The following CDC42BPA variants were observed in gnomAD, a reference collection of about 807,000 sequenced individuals.
CDC42BPA encodes the protein serine/threonine-protein kinase MRCK alpha.
CDC42BPA carries 80 observed loss-of-function variants against 223.5 expected under a neutral mutation model. The observed-to-expected ratio is 0.36, with a 90% confidence interval of 0.30 to 0.43. The LOEUF is 0.43. CDC42BPA is among the 20% of genes least tolerant of loss of function. The probability of loss-of-function intolerance (pLI) is 1.00; values close to 1 mark genes in which losing one functional copy is unlikely to be tolerated. For missense variants in CDC42BPA, 1,743 were observed against 2,099.9 expected, an observed-to-expected ratio of 0.83 and a Z score of 3.32; for synonymous variants, 694 against 718.6, an observed-to-expected ratio of 0.97 and a Z score of 0.55.
At chr1:227,098,124 T>C (rs1257190141) in intron 15 of CDC42BPA, among the ~76,000 whole-genome samples, 2 of 152,076 alleles carry the variant, frequency 1.3e-5, no homozygotes, top group Non-Finnish European at 2.9e-5. Flanking sequence ...CAAACACATA[T>C]GGATTCGGCG....
chr1:227,240,708 T>A (rs1679868964), intron 2 of CDC42BPA, among the ~76,000 whole-genome samples: 2 of 150,770 alleles, frequency 1.3e-5, no homozygotes, highest in East Asian at 3.9e-4. Context: ...AAAAAATGAA[T>A]CTCAATGCCG....
At chr1:227,155,904 C>G (rs1662662540) in intron 6 of CDC42BPA, among the ~76,000 whole-genome samples, 1 of 152,044 alleles carries the variant, frequency 6.6e-6, no homozygotes, top group Non-Finnish European at 1.5e-5. Flanking sequence ...GAATCCTCAT[C>G]TACCATGGTA....
At chr1:227,294,373 T>C (rs938275855) in intron 1 of CDC42BPA, among the ~76,000 whole-genome samples, 2 of 152,022 alleles carry the variant, frequency 1.3e-5, no homozygotes, top group African/African-American at 2.4e-5. Context: ...TACAATAATA[T>C]AGAAGAAGAG....
intron 14 of CDC42BPA, among the ~76,000 whole-genome samples, chr1:227,105,354 CTCTTTTT>C (rs1426579561): frequency 3.5e-5 from 4 of 113,622 alleles, no homozygotes; most frequent in Admixed American, 1.2e-4. Context: ...TTTGCCTATT[CTCTTTTT>C]TTTTTTTTTT....
intron 19 of CDC42BPA, among the ~76,000 whole-genome samples, chr1:227,072,689 AC>A (rs1260305415): frequency 6.6e-6 from 1 of 152,042 alleles, no homozygotes; most frequent in Non-Finnish European, 1.5e-5. Flanking sequence ...ATTCTGTTAG[AC>A]TTTGTTAGAT....
intron 6 of CDC42BPA, among the ~76,000 whole-genome samples, chr1:227,151,676 G>A (rs1160292725): frequency 6.6e-6 from 1 of 151,986 alleles, no homozygotes; most frequent in Non-Finnish European, 1.5e-5. Context: ...AGTGTGAGAT[G>A]GTGTATCCCT....
At chr1:227,199,802 C>A in intron 3 of CDC42BPA, 150 bp from the exon 4 acceptor site, 1 of 446,766 alleles carries the variant, frequency 2.2e-6, no homozygotes. Context: ...TTTCAAACCA[C>A]CCTCAGAAAC....
chr1:227,215,319 G>T (rs1032893067), intron 2 of CDC42BPA, among the ~76,000 whole-genome samples: 3 of 151,992 alleles, frequency 2.0e-5, no homozygotes, highest in African/African-American at 7.3e-5. Context: ...AGACTACTTG[G>T]GTTTGAATCC....
chr1:227,236,219 G>A (rs940735588), intron 2 of CDC42BPA, among the ~76,000 whole-genome samples: 5 of 152,188 alleles, frequency 3.3e-5, no homozygotes, highest in African/African-American at 1.2e-4. Flanking sequence ...ATATAGATTT[G>A]ACTGAATGAC....
chr1:227,114,156 G>A (rs999022065), intron 12 of CDC42BPA, among the ~76,000 whole-genome samples: 6 of 151,794 alleles, frequency 4.0e-5, no homozygotes, highest in Admixed American at 6.6e-5. Context: ...AAAAAATGAC[G>A]CTGGGTAATA....
At chr1:227,136,939 C>T (rs1294189520) in intron 10 of CDC42BPA, among the ~76,000 whole-genome samples, 7 of 151,926 alleles carry the variant, frequency 4.6e-5, no homozygotes, top group African/African-American at 1.7e-4. Flanking sequence ...CAGATAGAAA[C>T]ATGGATCACT....
At chr1:227,147,699 A>T in intron 6 of CDC42BPA, 140 bp from the exon 7 acceptor site, 1 of 516,126 alleles carries the variant, frequency 1.9e-6, no homozygotes, top group Non-Finnish European at 3.3e-6. Context: ...ATCCTTGTAT[A>T]TATGTTAAAT....
At chr1:227,110,097 C>T (rs890363786) in intron 14 of CDC42BPA, among the ~76,000 whole-genome samples, 8 of 152,082 alleles carry the variant, frequency 5.3e-5, no homozygotes, top group Non-Finnish European at 1.0e-4. Context: ...GACTCTGTAT[C>T]TGTTAGGTCT....
Position 227,210,269 on chromosome 1 carries a change from G to A in CDC42BPA, c.354+2867C>T, listed in dbSNP as rs182140431. ...GGATGACTGGGTCAAATGGTATTTC[G>A]AGGACTATTTATCTTAAACTTTCTT... On this transcript the variant is annotated intron_variant, in intron 3 of 36. Coordinates refer to ENST00000366766, the MANE Select transcript of CDC42BPA (RefSeq NM_001394014.1). 5.1e-4 allele frequency among the ~76,000 whole-genome samples: 77 copies of A among 152,212 alleles called. 3 individuals carry two copies. In the South Asian group the frequency reaches 1.0e-2, roughly 20 times the overall value.
chr1:227,060,030 G>T (rs200194970), intron 21 of CDC42BPA, among the ~76,000 whole-genome samples: 7,447 of 117,522 alleles, frequency 0.063, 598 homozygotes, highest in African/African-American at 0.2. Flanking sequence ...GTTTTTTTTT[G>T]TTTTTTTTTT....
rs377133849 is a variant in CDC42BPA at position 227,296,809 on chromosome 1, GA to G, written c.178+20195del. 3.0e-3 allele frequency among the ~76,000 whole-genome samples: 370 copies of G among 124,186 alleles called. 3 individuals carry two copies. Among genetic ancestry groups the G allele is most frequent in the Middle Eastern group, 0.017 (4 of 236 alleles). The allele number at this position is 124,186 out of a possible 152,430, so 81.5% of individuals were successfully genotyped here. ...CTTAAATATCACACCAAAAGCACAA[GA>G]AAAAAAAAAAGGGACAAATTGGATT... On this transcript the variant is annotated intron_variant, in intron 1 of 36. Coordinates refer to ENST00000366766, the MANE Select transcript of CDC42BPA (RefSeq NM_001394014.1).
intron 5 of CDC42BPA, among the ~76,000 whole-genome samples, chr1:227,181,075 G>A (rs1003473700): frequency 6.6e-6 from 1 of 151,946 alleles, no homozygotes; most frequent in Admixed American, 6.6e-5. Context: ...AAAAGAAAGG[G>A]TACACCCTTA....
intron 15 of CDC42BPA, among the ~76,000 whole-genome samples, chr1:227,099,305 G>A (rs1232493663): frequency 2.6e-5 from 4 of 151,638 alleles, no homozygotes; most frequent in African/African-American, 7.3e-5. Flanking sequence ...TATTCCCGAA[G>A]AAGGCACTGT....
At chr1:227,029,844 T>C (rs1668933610) in intron 29 of CDC42BPA, among the ~76,000 whole-genome samples, 1 of 152,126 alleles carries the variant, frequency 6.6e-6, no homozygotes, top group Non-Finnish European at 1.5e-5. Flanking sequence ...TCTTTAGAAA[T>C]GCAATCTGGG....
Sources: allele counts gnomAD v4.1 joint callset (sites outside exome capture counted in the v4.1 genomes callset), GRCh38; gene constraint gnomAD v4.1.1; transcripts MANE v1.5; gene names NCBI Gene and HGNC (gene_info 2026-07-23, HGNC 2026-07-21).